HADHA: variants seen among roughly 807,000 people sequenced by gnomAD.
HADHA encodes trifunctional enzyme subunit alpha, mitochondrial.
A neutral mutation model predicts 91.3 loss-of-function variants in HADHA; 59 were observed. The observed-to-expected ratio is 0.65, with a 90% CI of 0.52 to 0.80. HADHA has a LOEUF of 0.80. HADHA is among the 30% of genes least tolerant of loss of function. The probability of loss-of-function intolerance (pLI) is 0.00; values close to 1 mark genes in which losing one functional copy is unlikely to be tolerated. For missense variants in HADHA, 800 were observed against 927.6 expected (o/e 0.86, Z 1.79); for synonymous variants, 320 against 338.9 (o/e 0.94, Z 0.61).
In HADHA at chr2:26,229,373, C is replaced by CACACACAA. The variant is rs3220491; in HGVS notation, c.676+818_676+819insTTGTGTGT. ...GCACACACACACACACACACACACA[C>CACACACAA]AAAATTAATACATTTACTATTATGT... is the stretch of plus-strand genomic sequence containing the variant. On this transcript the variant is annotated intron_variant, in intron 7 of 19. Coordinates refer to ENST00000380649, the MANE Select transcript of HADHA (RefSeq NM_000182.5). The surrounding 1 kb of genome is among the most constrained non-coding windows in gnomAD (Gnocchi z 4.3). 6.6e-6 allele frequency among the ~76,000 whole-genome samples: 1 copy of CACACACAA among 151,306 alleles called. No individual in the cohort carries two copies. The highest frequency in any genetic ancestry group is 2.4e-5 in the African/African-American group (1 of 41,152).
At chr2:26,243,801 G>GA (rs746610245) in intron 1 of HADHA, among the ~76,000 whole-genome samples, 5 of 152,200 alleles carry the variant, frequency 3.3e-5, no homozygotes, top group Non-Finnish European at 7.3e-5. Context: ...CTGCCAGTTT[G>GA]AAAAGGAAAA....
Position 26,193,669 on chromosome 2 carries a change from T to G in HADHA, c.1793A>C (p.His598Pro). ...GACTTTGCCCAGATCTTCCGCCACA[T>G]GTTTCGCTACATCCACACCAACTTC... ...VDEVGVDVAK[H>P]VAEDLGKVFG... Residue 598 changes from histidine (H) to proline (P), a missense_variant, in exon 17 of 20, where the codon CAT (histidine) becomes CCT (proline). Coordinates refer to ENST00000380649, the MANE Select transcript of HADHA (RefSeq NM_000182.5). 1.2e-6 allele frequency: 2 copies of G among 1,613,986 alleles called. No individual in the cohort carries two copies. The highest frequency in any genetic ancestry group is 2.2e-5 in the East Asian group (1 of 44,872).
intron 11 of HADHA, among the ~76,000 whole-genome samples, chr2:26,206,379 C>G (rs1023290405): frequency 6.6e-6 from 1 of 151,988 alleles, no homozygotes; most frequent in African/African-American, 2.4e-5. Flanking sequence ...CAGGTGCCCA[C>G]CACCACACCC....
chr2:26,197,168 CTTAA>C (rs1669698187), intron 14 of HADHA, among the ~76,000 whole-genome samples: 1 of 152,224 alleles, frequency 6.6e-6, no homozygotes, highest in Non-Finnish European at 1.5e-5. Context: ...TTCACTTCCC[CTTAA>C]TTACTCTGGT....
At chr2:26,208,709 TC>T (rs746756512) in intron 11 of HADHA, among the ~76,000 whole-genome samples, 2 of 152,228 alleles carry the variant, frequency 1.3e-5, no homozygotes, top group Non-Finnish European at 2.9e-5. Context: ...GCCATAATTT[TC>T]CTCCTGCAAC....
chr2:26,204,265 C>T, intron 11 of HADHA, 69 bp from the exon 12 acceptor site: 1 of 1,434,248 alleles, frequency 7.0e-7, no homozygotes, highest in African/African-American at 1.4e-5. Flanking sequence ...TGGAAGATTG[C>T]CTAAGTTATT....
chr2:26,237,623 A>G (rs559203812), intron 3 of HADHA, among the ~76,000 whole-genome samples: 3 of 152,272 alleles, frequency 2.0e-5, no homozygotes, highest in African/African-American at 4.8e-5. Context: ...ATGAGACCCT[A>G]TCTTCAAAAA....
chr2:26,237,424 C>G (rs536037320), intron 3 of HADHA, among the ~76,000 whole-genome samples: 1 of 152,228 alleles, frequency 6.6e-6, no homozygotes, highest in Admixed American at 6.5e-5. Flanking sequence ...TTCAGGAGTT[C>G]GAGACCAGCC....
At chr2:26,193,878 G>A in intron 16 of HADHA, 106 bp from the exon 17 acceptor site, 1 of 858,656 alleles carries the variant, frequency 1.2e-6, no homozygotes, top group Non-Finnish European at 2.0e-6. Flanking sequence ...ACCCACTTCT[G>A]AGTGTCACCT....
At chr2:26,199,082 A>C (rs1669761279) in intron 13 of HADHA, among the ~76,000 whole-genome samples, 3 of 151,920 alleles carry the variant, frequency 2.0e-5, no homozygotes, top group Admixed American at 2.0e-4. Flanking sequence ...GTTTTTAGTA[A>C]AGACAGGGTT....
intron 14 of HADHA, among the ~76,000 whole-genome samples, chr2:26,195,440 G>A (rs1386408535): frequency 1.3e-5 from 2 of 152,040 alleles, no homozygotes; most frequent in African/African-American, 4.8e-5. Context: ...TCTTCCATTT[G>A]CTTCTAAGGT....
intron 7 of HADHA, among the ~76,000 whole-genome samples, chr2:26,227,862 C>A (rs1670521401): frequency 2.6e-5 from 4 of 151,288 alleles, no homozygotes; most frequent in African/African-American, 9.7e-5. Flanking sequence ...CTCACCCAGG[C>A]TGGAGTGCAG....
intron 3 of HADHA, among the ~76,000 whole-genome samples, chr2:26,237,655 GT>G (rs1670793753): frequency 6.6e-6 from 1 of 152,082 alleles, no homozygotes; most frequent in South Asian, 2.1e-4. Flanking sequence ...TATGATCTTA[GT>G]TTTGTAAATA....
chr2:26,197,858 C>T, intron 13 of HADHA, 81 bp from the exon 14 acceptor site: 1 of 790,374 alleles, frequency 1.3e-6, no homozygotes, highest in Non-Finnish European at 2.3e-6. Context: ...ATGAGTGACA[C>T]CTGGGCCCAG....
chr2:26,218,442 G>A (rs935823983), intron 7 of HADHA, among the ~76,000 whole-genome samples: 2 of 152,220 alleles, frequency 1.3e-5, no homozygotes, highest in African/African-American at 4.8e-5. Context: ...AGTTCTTCAG[G>A]TTGCAAGAAA....
intron 7 of HADHA, among the ~76,000 whole-genome samples, chr2:26,223,856 C>T (rs1296115687): frequency 6.6e-6 from 1 of 152,164 alleles, no homozygotes; most frequent in Non-Finnish European, 1.5e-5. Flanking sequence ...AAGTGATTCT[C>T]CTGCCTCAGC....
At chr2:26,208,987 T>C (rs979954602) in intron 11 of HADHA, among the ~76,000 whole-genome samples, 2 of 152,244 alleles carry the variant, frequency 1.3e-5, no homozygotes, top group African/African-American at 4.8e-5. Context: ...TATCATTAGC[T>C]GCTTCTCTTA....
In HADHA at chr2:26,232,584, G is replaced by A. The variant is rs527929765; in HGVS notation, c.454-305C>T. Among the ~76,000 whole-genome samples, 14 of 152,176 alleles carry A rather than the reference G, an allele frequency of 9.2e-5. No individual in the cohort carries two copies. In the East Asian group the frequency reaches 2.1e-3, roughly 23 times the overall value. ...TATGGACCCCAGGTTAAAAAGCCCCGGACTCTCCAATCAAGCACGTCTACT... is the reference window on the plus strand; with the variant it reads ...TATGGACCCCAGGTTAAAAAGCCCCAGACTCTCCAATCAAGCACGTCTACT... On this transcript the variant is annotated intron_variant, in intron 5 of 19. Transcript: ENST00000380649.
In HADHA at chr2:26,191,225, T is replaced by G. The variant is rs1223908976; in HGVS notation, c.*25A>C. 1 of 1,609,924 alleles carries G rather than the reference T, an allele frequency of 6.2e-7. No individual in the cohort carries two copies. The highest frequency in any genetic ancestry group is 1.7e-5 in the Admixed American group (1 of 60,012). ...CTGCCGGCAGCTGGGGTTAGTGCACTGACTGAGCGAGGCATGAGGCCTGCT... is the reference window on the plus strand; with the variant it reads ...CTGCCGGCAGCTGGGGTTAGTGCACGGACTGAGCGAGGCATGAGGCCTGCT... On this transcript the variant is annotated 3_prime_UTR_variant, in exon 20 of 20. Coordinates refer to ENST00000380649, the MANE Select transcript of HADHA (RefSeq NM_000182.5).
Sources: gnomAD v4.1 joint callset for allele counts (sites outside exome capture counted in the v4.1 genomes callset) on GRCh38, gnomAD v4.1.1 for gene constraint, Gnocchi (gnomAD v3.1) non-coding constraint, MANE v1.5 for transcripts, NCBI Gene and HGNC (gene_info 2026-07-23, HGNC 2026-07-21) for gene names.